Variants in CNBD1 observed in about 807,000 individuals in gnomAD.
CNBD1 encodes the protein cyclic nucleotide-binding domain-containing protein 1.
A neutral mutation model predicts 54.4 loss-of-function variants in CNBD1; 71 were observed. That is an observed-to-expected ratio of 1.30 (90% CI 1.08 to 1.59). CNBD1 has a LOEUF of 1.59. Ranked by LOEUF, CNBD1 falls within the 40% of genes most tolerant of loss-of-function variation. The pLI, the probability that CNBD1 is intolerant of heterozygous loss-of-function variation, is 0.00. For synonymous variants in CNBD1, 182 were observed against 170.7 expected (o/e 1.07, Z -0.51); for missense variants, 659 against 518.0 (o/e 1.27, Z -2.64).
intron 8 of CNBD1, among the ~76,000 whole-genome samples, chr8:87,300,866 A>C (rs1183364922): frequency 2.6e-5 from 4 of 152,246 alleles, no homozygotes; most frequent in Admixed American, 6.6e-5. Context: ...TCTTTTGTGA[A>C]GACTAAAAAT....
chr8:87,311,584 C>A lies in CNBD1; in HGVS notation c.1042+24913C>A, dbSNP rs191855100. The stretch of plus-strand genomic sequence containing the variant: ...TGGAACTACTAATAAACCCAACAAT[C>A]CAATTATTGAGTATATATCTAAAAT... On this transcript the variant is annotated intron_variant, in intron 8 of 10. Coordinates refer to ENST00000518476, the MANE Select transcript of CNBD1 (RefSeq NM_173538.3). Among the ~76,000 whole-genome samples, 10 of 152,088 alleles carry A rather than the reference C, an allele frequency of 6.6e-5. No individual in the cohort carries two copies. In the East Asian group the frequency reaches 1.9e-3, roughly 29 times the overall value.
At chr8:87,054,953 G>GT (rs1214576414) in intron 4 of CNBD1, among the ~76,000 whole-genome samples, 1 of 152,152 alleles carries the variant, frequency 6.6e-6, no homozygotes, top group Non-Finnish European at 1.5e-5. Context: ...GGGCCAGTGT[G>GT]TTTTTTTCAC....
intron 2 of CNBD1, among the ~76,000 whole-genome samples, chr8:87,415,607 C>T (rs1807822202): frequency 6.6e-6 from 1 of 151,888 alleles, no homozygotes; most frequent in African/African-American, 2.4e-5. Context: ...TGAAACTTGT[C>T]CTGGAAATCT....
intron 8 of CNBD1, among the ~76,000 whole-genome samples, chr8:87,304,333 G>T (rs1022846921): frequency 1.3e-5 from 2 of 152,122 alleles, no homozygotes; most frequent in East Asian, 3.9e-4. Context: ...CATGTCCTTT[G>T]TAGAGACATG....
At chr8:87,165,038 T>A (rs370744053) in intron 4 of CNBD1, among the ~76,000 whole-genome samples, 7 of 152,008 alleles carry the variant, frequency 4.6e-5, no homozygotes, top group African/African-American at 1.7e-4. Context: ...TTTTACCCAT[T>A]GGTTGTTCAG....
intron 6 of CNBD1, among the ~76,000 whole-genome samples, chr8:87,273,894 G>A (rs1808421744): frequency 6.6e-6 from 1 of 151,180 alleles, no homozygotes; most frequent in East Asian, 2.0e-4. Context: ...CTAGCATTAG[G>A]TATATCTCCC....
intron 4 of CNBD1, among the ~76,000 whole-genome samples, chr8:87,122,731 T>G (rs1391514644): frequency 6.6e-6 from 1 of 151,820 alleles, no homozygotes; most frequent in Non-Finnish European, 1.5e-5. Flanking sequence ...GAGTTGACTT[T>G]TATATAAGGG....
At chr8:86,877,045 T>G (rs1808531276) in intron 1 of CNBD1, among the ~76,000 whole-genome samples, 1 of 152,078 alleles carries the variant, frequency 6.6e-6, no homozygotes, top group Non-Finnish European at 1.5e-5. Flanking sequence ...TAACCTAGTA[T>G]GAAATGAGAA....
chr8:87,237,797 A>G (rs1313436575), intron 6 of CNBD1, among the ~76,000 whole-genome samples: 1 of 152,126 alleles, frequency 6.6e-6, no homozygotes, highest in Non-Finnish European at 1.5e-5. Flanking sequence ...GTACAATCAG[A>G]AAAATCCAGA....
At chr8:86,930,662 A>G (rs775644409) in intron 3 of CNBD1, among the ~76,000 whole-genome samples, 1 of 152,198 alleles carries the variant, frequency 6.6e-6, no homozygotes, top group South Asian at 2.1e-4. Flanking sequence ...AGAGCGGGGT[A>G]TAGAGGTTGG....
At chr8:87,233,246 G>T (rs951126066) in intron 5 of CNBD1, among the ~76,000 whole-genome samples, 1 of 152,066 alleles carries the variant, frequency 6.6e-6, no homozygotes, top group Admixed American at 6.6e-5. Flanking sequence ...GTAACACTGG[G>T]ACTAAAAATC....
chr8:87,402,220 C>A (rs1807577402), intron 2 of CNBD1, among the ~76,000 whole-genome samples: 1 of 151,850 alleles, frequency 6.6e-6, no homozygotes, highest in South Asian at 2.1e-4. Flanking sequence ...AAACCCGCCT[C>A]CATGATTCAA....
At chr8:86,919,448 C>T (rs967407642) in intron 3 of CNBD1, among the ~76,000 whole-genome samples, 3 of 152,078 alleles carry the variant, frequency 2.0e-5, no homozygotes, top group African/African-American at 4.8e-5. Flanking sequence ...AAGGTATCTG[C>T]CTTATTTGCA....
chr8:87,339,028 G>A (rs1471620752), intron 8 of CNBD1, among the ~76,000 whole-genome samples: 1 of 151,986 alleles, frequency 6.6e-6, no homozygotes, highest in East Asian at 1.9e-4. Flanking sequence ...CTACAGTTTG[G>A]TATTTCCTTT....
At chr8:86,942,874 T>C (rs1807365246) in intron 4 of CNBD1, among the ~76,000 whole-genome samples, 1 of 152,208 alleles carries the variant, frequency 6.6e-6, no homozygotes, top group African/African-American at 2.4e-5. Flanking sequence ...ACTAAAGTAA[T>C]TCAATTAAAA....
chr8:87,209,573 T>A (rs879506512), intron 5 of CNBD1, among the ~76,000 whole-genome samples: 1 of 151,950 alleles, frequency 6.6e-6, no homozygotes, highest in Non-Finnish European at 1.5e-5. Context: ...GTTGAAAAAA[T>A]TAATATTGTT....
chr8:87,185,004 T>C (rs976784939), intron 4 of CNBD1, among the ~76,000 whole-genome samples: 1 of 152,204 alleles, frequency 6.6e-6, no homozygotes, highest in Non-Finnish European at 1.5e-5. Flanking sequence ...ATAAATATGT[T>C]ATTTTCCGAA....
intron 2 of CNBD1, among the ~76,000 whole-genome samples, chr8:86,900,706 A>G (rs1194596703): frequency 1.3e-5 from 2 of 152,296 alleles, no homozygotes; most frequent in East Asian, 3.9e-4. Flanking sequence ...TAAATACTTC[A>G]TATAAGGTTA....
chr8:87,266,315 A>G (rs542304995), intron 6 of CNBD1, among the ~76,000 whole-genome samples: 4 of 151,202 alleles, frequency 2.6e-5, no homozygotes, highest in East Asian at 2.0e-4. Context: ...AGCTTTTCCT[A>G]TTAGGTATAA....
Sources: allele counts gnomAD v4.1 joint callset (sites outside exome capture counted in the v4.1 genomes callset), GRCh38; gene constraint gnomAD v4.1.1; transcripts MANE v1.5; gene names NCBI Gene and HGNC (gene_info 2026-07-23, HGNC 2026-07-21).